ACOXL: variants seen among roughly 807,000 people sequenced by gnomAD.
The protein encoded by ACOXL is acyl-CoA oxidase like, also known as acyl-coenzyme A oxidase-like protein.
ACOXL carries 70 observed loss-of-function variants against 71.9 expected under a neutral mutation model. The observed-to-expected ratio is 0.97, with a 90% confidence interval of 0.80 to 1.19. ACOXL has a LOEUF of 1.19. ACOXL is among the 50% of genes most tolerant of loss of function. The pLI is 0.00. For synonymous variants in ACOXL, 253 were observed against 281.6 expected (o/e 0.90, Z 1.02); for missense variants, 703 against 736.3 (o/e 0.95, Z 0.52).
chr2:110,810,582 A>G (rs1687196744), intron 9 of ACOXL, among the ~76,000 whole-genome samples: 1 of 151,606 alleles, frequency 6.6e-6, no homozygotes, highest in Non-Finnish European at 1.5e-5. Context: ...TCCATCCATC[A>G]TTCATCATCC....
intron 12 of ACOXL, among the ~76,000 whole-genome samples, chr2:110,941,385 A>G (rs1275330337): frequency 6.6e-6 from 1 of 152,218 alleles, no homozygotes; most frequent in Admixed American, 6.5e-5. Flanking sequence ...AGTTTGCAAG[A>G]CACCGGACGT....
At chr2:110,790,742 T>G (rs1684547239) in intron 3 of ACOXL, among the ~76,000 whole-genome samples, 1 of 152,078 alleles carries the variant, frequency 6.6e-6, no homozygotes, top group African/African-American at 2.4e-5. Context: ...TCTGCGACAT[T>G]CCCACGTGAT....
rs139395474 is a variant in ACOXL, at chr2:111,049,255, T to A, written c.1407T>A (p.Cys469Ter). 6.3e-4 allele frequency: 1,023 copies of A among 1,612,960 alleles called. 6 individuals carry two copies. In the Middle Eastern group the frequency reaches 0.012, roughly 19 times the overall value. ...AGTTCTCCCTAGCAGTGAAGAGCTG[T>A]CCTGACCAAGAGGACCAGACTTTGT... ...LEQFSLAVKS[C>*]PDQEDQTLLM... Residue 469 changes from cysteine to a stop codon, truncating the protein, a stop_gained, in exon 16 of 18, where the codon TGT becomes TGA. Transcript: ENST00000439055. LOFTEE classifies it high-confidence loss of function.
chr2:110,798,336 A>G (rs1247739218), intron 5 of ACOXL, among the ~76,000 whole-genome samples: 2 of 150,460 alleles, frequency 1.3e-5, no homozygotes, highest in Admixed American at 1.3e-4. Context: ...GGCTCACTGC[A>G]AGCTCTGCCT....
At chr2:110,977,113 A>C (rs1243065370) in intron 12 of ACOXL, among the ~76,000 whole-genome samples, 1 of 152,174 alleles carries the variant, frequency 6.6e-6, no homozygotes. Context: ...CCGGCTGGGC[A>C]TGGTGGCTCA....
chr2:110,767,332 G>A (rs1681222004), intron 1 of ACOXL, among the ~76,000 whole-genome samples: 1 of 152,192 alleles, frequency 6.6e-6, no homozygotes, highest in African/African-American at 2.4e-5. Context: ...AGCGTAAGTG[G>A]GAGGGAGCTG....
intron 12 of ACOXL, chr2:110,968,038 A>G (rs1324023608): frequency 1.7e-5 from 19 of 1,097,458 alleles, no homozygotes; most frequent in Admixed American, 5.0e-5. Flanking sequence ...TTATGCCCGT[A>G]TAGAGGGGGA....
intron 1 of ACOXL, among the ~76,000 whole-genome samples, chr2:110,738,401 T>G (rs1382919631): frequency 6.6e-6 from 1 of 152,220 alleles, no homozygotes; most frequent in Non-Finnish European, 1.5e-5. Context: ...TACCTGGGAA[T>G]TAACTTTTCG....
At chr2:110,806,553 G>A (rs1188790458) in intron 9 of ACOXL, among the ~76,000 whole-genome samples, 2 of 152,026 alleles carry the variant, frequency 1.3e-5, no homozygotes, top group Non-Finnish European at 2.9e-5. Flanking sequence ...CCAGAGAGAG[G>A]CAAAAATAGA....
At chr2:111,100,206 C>T (rs1334592024) in intron 17 of ACOXL, 2 of 152,410 alleles carry the variant, frequency 1.3e-5, no homozygotes, top group Non-Finnish European at 2.9e-5. Context: ...GGTTGCAGAT[C>T]AAAAAAGGAC....
At chr2:110,932,723 T>A (rs1228638895) in intron 11 of ACOXL, among the ~76,000 whole-genome samples, 1 of 151,992 alleles carries the variant, frequency 6.6e-6, no homozygotes, top group African/African-American at 2.4e-5. Context: ...AAGAGGAGAG[T>A]TGAGCATAGG....
At chr2:110,935,323 C>T (rs1200165295) in intron 12 of ACOXL, among the ~76,000 whole-genome samples, 1 of 152,142 alleles carries the variant, frequency 6.6e-6, no homozygotes, top group Non-Finnish European at 1.5e-5. Context: ...AGGGGTCTCT[C>T]ACCCCCAGGC....
chr2:110,751,387 T>G (rs2104804190), intron 1 of ACOXL, among the ~76,000 whole-genome samples: 1 of 152,220 alleles, frequency 6.6e-6, no homozygotes, highest in African/African-American at 2.4e-5. Context: ...CTACCTAGAT[T>G]CTGGCATTAA....
intron 12 of ACOXL, among the ~76,000 whole-genome samples, chr2:110,985,170 A>G (rs1431303447): frequency 6.6e-6 from 1 of 152,124 alleles, no homozygotes; most frequent in Admixed American, 6.5e-5. Context: ...CTGGATTGCT[A>G]TTATCATTTT....
intron 14 of ACOXL, among the ~76,000 whole-genome samples, chr2:111,008,344 T>C (rs1377215767): frequency 6.6e-6 from 1 of 152,218 alleles, no homozygotes; most frequent in Non-Finnish European, 1.5e-5. Flanking sequence ...TCATTCCAGC[T>C]ACCCCCTTTC....
rs1335090039 is a variant in ACOXL, at chr2:110,805,351, C to G, written c.709C>G (p.Pro237Ala). The part of the protein sequence containing the change: ...RFNAMLAALT[P>A]SRLAVAFQAM... The stretch of plus-strand genomic sequence containing the variant: ...CAATGCCATGCTGGCAGCACTGACC[C>G]CTTCGAGATTAGCTGTGGCTTTCCA... The change falls in exon 9 of 18, where the codon CCT becomes GCT. Residue 237 changes from proline (P) to alanine (A), a missense_variant. By Grantham distance (27) the Pro-to-Ala change is conservative. Coordinates refer to ENST00000439055, the MANE Select transcript of ACOXL (RefSeq NM_001142807.4). 1.2e-6 allele frequency: 2 copies of G among 1,614,082 alleles called. No homozygotes were observed. Among genetic ancestry groups the G allele is most frequent in the South Asian group, 1.1e-5 (1 of 91,088 alleles).
intron 12 of ACOXL, among the ~76,000 whole-genome samples, chr2:110,973,477 C>T (rs116431420): frequency 2.2e-3 from 329 of 152,290 alleles, no homozygotes; most frequent in Middle Eastern, 0.017. Flanking sequence ...TATGCAGACT[C>T]AGCAAGAAAG....
chr2:110,913,159 G>T (rs943267402), intron 11 of ACOXL, among the ~76,000 whole-genome samples: 5 of 152,184 alleles, frequency 3.3e-5, no homozygotes, highest in Non-Finnish European at 7.3e-5. Flanking sequence ...TGGTGGTAAT[G>T]TAAAATGGTA....
intron 1 of ACOXL, among the ~76,000 whole-genome samples, chr2:110,755,573 G>C (rs527800021): frequency 6.6e-6 from 1 of 152,274 alleles, no homozygotes; most frequent in African/African-American, 2.4e-5. Context: ...CTCGAACAGT[G>C]TTAGCAATTT....
Sources: gnomAD v4.1 joint callset for allele counts (sites outside exome capture counted in the v4.1 genomes callset) on GRCh38, gnomAD v4.1.1 for gene constraint, MANE v1.5 for transcripts, NCBI Gene and HGNC (gene_info 2026-07-23, HGNC 2026-07-21) for gene names.